Variants in COL21A1 observed in about 807,000 individuals in gnomAD.
The protein encoded by COL21A1 is collagen type XXI alpha 1 chain.
A neutral mutation model predicts 137.9 loss-of-function variants in COL21A1; 149 were observed. That is an observed-to-expected ratio of 1.08 (90% CI 0.95 to 1.24). The LOEUF (loss-of-function observed/expected upper bound fraction) is 1.24, where lower values mean the gene tolerates loss of function less well. COL21A1 is among the 50% of genes most tolerant of loss of function. The pLI is 0.00. For synonymous variants in COL21A1, 456 were observed against 391.5 expected (o/e 1.16, Z -1.95); for missense variants, 1,167 against 1,158.4 (o/e 1.01, Z -0.11).
chr6:56,363,329 T>C (rs995359578), intron 1 of COL21A1, among the ~76,000 whole-genome samples: 2 of 152,218 alleles, frequency 1.3e-5, no homozygotes, highest in Non-Finnish European at 2.9e-5. Context: ...ACACTTATCG[T>C]CTATTTTAAT....
At chr6:56,363,486 G>T (rs1372505923) in intron 1 of COL21A1, among the ~76,000 whole-genome samples, 2 of 152,184 alleles carry the variant, frequency 1.3e-5, no homozygotes, top group Non-Finnish European at 2.9e-5. Context: ...ACTCATTTAG[G>T]TGGTCCTGTT....
intron 22 of COL21A1, among the ~76,000 whole-genome samples, chr6:56,067,865 T>A (rs1359819556): frequency 6.6e-6 from 1 of 151,648 alleles, no homozygotes; most frequent in Non-Finnish European, 1.5e-5. Context: ...AGAAACCAAC[T>A]TATACAATGC....
intron 1 of COL21A1, among the ~76,000 whole-genome samples, chr6:56,186,798 G>A (rs933039808): frequency 2.0e-5 from 3 of 152,218 alleles, no homozygotes; most frequent in South Asian, 2.1e-4. Context: ...CAAATAAATG[G>A]AGAGATCCAT....
intron 23 of COL21A1, among the ~76,000 whole-genome samples, chr6:56,066,595 G>C (rs190351473): frequency 1.5e-4 from 23 of 151,804 alleles, no homozygotes; most frequent in African/African-American, 4.6e-4. Flanking sequence ...AACTTAAAAG[G>C]TTGAAAGAAC....
At chr6:56,171,215 A>G (rs1777021706) in intron 3 of COL21A1, 87 bp from the exon 4 acceptor site, 1 of 802,006 alleles carries the variant, frequency 1.2e-6, no homozygotes, top group South Asian at 2.2e-5. Flanking sequence ...TAGACAATAT[A>G]GTATTCTATC....
At chr6:56,085,017 G>A (rs934115477) in intron 17 of COL21A1, among the ~76,000 whole-genome samples, 1 of 152,022 alleles carries the variant, frequency 6.6e-6, no homozygotes, top group South Asian at 2.1e-4. Flanking sequence ...AGATAATGCT[G>A]TGTTTAAGGA....
intron 1 of COL21A1, among the ~76,000 whole-genome samples, chr6:56,200,294 A>G (rs896550741): frequency 6.6e-5 from 10 of 152,056 alleles, no homozygotes; most frequent in South Asian, 4.1e-4. Flanking sequence ...GCATGGGTGC[A>G]TCATGATCTG....
chr6:56,098,905 C>A (rs1470898497), intron 17 of COL21A1, among the ~76,000 whole-genome samples: 1 of 149,250 alleles, frequency 6.7e-6, no homozygotes, highest in Non-Finnish European at 1.5e-5. Flanking sequence ...TTAGTAGAGA[C>A]GGGGTTTCAC....
At chr6:56,114,671 C>A (rs1041042827) in intron 16 of COL21A1, among the ~76,000 whole-genome samples, 2 of 150,612 alleles carry the variant, frequency 1.3e-5, no homozygotes, top group African/African-American at 4.9e-5. Context: ...AGTCAGGAAA[C>A]AACAGGTGCT....
intron 12 of COL21A1, among the ~76,000 whole-genome samples, chr6:56,132,984 G>A (rs1773685129): frequency 6.6e-6 from 1 of 152,132 alleles, no homozygotes. Context: ...AAATTGCCCA[G>A]TCTCAGCTAT....
intron 9 of COL21A1, among the ~76,000 whole-genome samples, chr6:56,160,279 G>A (rs753516268): frequency 4.6e-5 from 7 of 152,182 alleles, no homozygotes; most frequent in Non-Finnish European, 1.0e-4. Context: ...TTGAGTTAGC[G>A]AATTCTCGTA....
At chr6:56,337,961 C>CTTTTTTTTTTT (rs200998969) in intron 1 of COL21A1, among the ~76,000 whole-genome samples, 3 of 90,854 alleles carry the variant, frequency 3.3e-5, no homozygotes, top group Non-Finnish European at 8.7e-5. Context: ...CTTTTCTTTT[C>CTTTTTTTTTTT]TTTTTTTTTT....
chr6:56,135,719 G>A (rs1332357939), intron 12 of COL21A1, among the ~76,000 whole-genome samples: 1 of 152,120 alleles, frequency 6.6e-6, no homozygotes, highest in African/African-American at 2.4e-5. Flanking sequence ...GGCAATCTTT[G>A]AGATTTCTTA....
chr6:56,074,229 T>G lies in COL21A1; in HGVS notation c.1965+3A>C. On this transcript the variant is annotated splice_donor_region_variant and intron_variant, in intron 20 of 29. Coordinates refer to ENST00000244728, the MANE Select transcript of COL21A1 (RefSeq NM_030820.4). ...CCAGTCTTGTTTATTTTATCATATT[T>G]ACCTTAGATCCCGGTGTTCCAGGCT... 1.3e-6 allele frequency: 2 copies of G among 1,575,534 alleles called. No individual in the cohort carries two copies. The highest frequency in any genetic ancestry group is 1.7e-6 in the Non-Finnish European group (2 of 1,161,322).
At chr6:56,204,054 T>C (rs966586033) in intron 1 of COL21A1, among the ~76,000 whole-genome samples, 2 of 152,108 alleles carry the variant, frequency 1.3e-5, no homozygotes, top group African/African-American at 4.8e-5. Context: ...TTTGGGCAGA[T>C]ACCCCACTAG....
At chr6:56,090,667 A>G (rs1768722612) in intron 17 of COL21A1, among the ~76,000 whole-genome samples, 1 of 152,124 alleles carries the variant, frequency 6.6e-6, no homozygotes, top group South Asian at 2.1e-4. Flanking sequence ...TTTAAAACAT[A>G]ATTACTATGA....
At chr6:56,333,846 A>C (rs908244452) in intron 1 of COL21A1, among the ~76,000 whole-genome samples, 6 of 152,090 alleles carry the variant, frequency 3.9e-5, no homozygotes, top group Non-Finnish European at 8.8e-5. Flanking sequence ...GCTTTAATTT[A>C]CATTTCCTTA....
chr6:56,284,102 C>CCTG (rs1763848651), intron 1 of COL21A1, among the ~76,000 whole-genome samples: 1 of 152,154 alleles, frequency 6.6e-6, no homozygotes, highest in East Asian at 1.9e-4. Context: ...GGCTGTAGTG[C>CCTG]AGTGACACCA....
intron 12 of COL21A1, among the ~76,000 whole-genome samples, chr6:56,128,272 G>A (rs1298838453): frequency 6.6e-6 from 1 of 152,218 alleles, no homozygotes. Flanking sequence ...GGGTGTAGCA[G>A]GGGTTCTGCC....
Sources: allele counts gnomAD v4.1 joint callset (sites outside exome capture counted in the v4.1 genomes callset), GRCh38; gene constraint gnomAD v4.1.1; transcripts MANE v1.5; gene names NCBI Gene and HGNC (gene_info 2026-07-23, HGNC 2026-07-21).